The following GRK2 variants were observed in gnomAD, a reference collection of about 807,000 sequenced individuals.
The protein encoded by GRK2 is G protein-coupled receptor kinase 2.
GRK2 carries 23 observed loss-of-function variants against 97.8 expected under a neutral mutation model. That is an observed-to-expected ratio of 0.24 (90% CI 0.17 to 0.33). The LOEUF is 0.33. Ranked by LOEUF, GRK2 falls within the 10% of genes least tolerant of loss-of-function variation. The pLI is 1.00. For missense variants in GRK2, 633 were observed against 956.9 expected (o/e 0.66, Z 4.47); for synonymous variants, 425 against 381.7 (o/e 1.11, Z -1.32).
rs556065320 is a variant in GRK2, at chr11:67,269,186, C to G, written c.113+2374C>G. On this transcript the variant is annotated intron_variant, in intron 1 of 20. Coordinates refer to ENST00000308595, the MANE Select transcript of GRK2 (RefSeq NM_001619.5). The surrounding 1 kb of genome is among the most constrained non-coding windows in gnomAD (Gnocchi z 4.1). ...CAGTGGGGCAGAGCACGCCGCCCCC[C>G]GCCCCCCGCCGCCCCAGTGGTGATC... 5.3e-5 allele frequency among the ~76,000 whole-genome samples: 8 copies of G among 152,176 alleles called. No individual in the cohort carries two copies. Among genetic ancestry groups the G allele is most frequent in the Non-Finnish European group, 1.2e-4 (8 of 68,016 alleles).
In GRK2 at chr11:67,269,256, T is replaced by C. The variant is rs186760821; in HGVS notation, c.113+2444T>C. Among the ~76,000 whole-genome samples, 31 of 149,128 alleles carry C rather than the reference T, an allele frequency of 2.1e-4. No individual in the cohort carries two copies. Among genetic ancestry groups the C allele is most frequent in the African/African-American group, 7.7e-4 (31 of 40,128 alleles). ...GCCTGACACTTTTCCACTTGCAGAG[T>C]GCTTTTTACTCTGTTTTGTCCTTTT... On this transcript the variant is annotated intron_variant, in intron 1 of 20. Coordinates refer to ENST00000308595, the MANE Select transcript of GRK2 (RefSeq NM_001619.5). This position sits in a 1 kb window ranked among gnomAD's most constrained non-coding sequence, Gnocchi z 4.1.
chr11:67,266,943 C>A (rs1565434686), intron 1 of GRK2, 131 bp downstream of exon 1: 3 of 325,860 alleles, frequency 9.2e-6, no homozygotes, highest in Admixed American at 5.2e-5. Flanking sequence ...CCTGTCGGCC[C>A]CCCAGCCCGG....
Position 67,281,388 on chromosome 11 carries a change from A to G in GRK2, c.648-71A>G. 2.1e-6 allele frequency: 3 copies of G among 1,426,986 alleles called. No homozygotes were observed. In the East Asian group the frequency reaches 6.9e-5, roughly 33 times the overall value. The allele number at this position is 1,426,986 out of a possible 1,614,324, so 88.4% of individuals were successfully genotyped here. A position where few individuals can be genotyped will look rare whatever the true frequency, so the allele number is the denominator to read the frequency against. On this transcript the variant is annotated intron_variant, in intron 8 of 20. Transcript: ENST00000308595. This position sits in a 1 kb window ranked among gnomAD's most constrained non-coding sequence, Gnocchi z 5.7. ...TGGTCCTGGGTCTAGTCTTTCCCTC[A>G]AGCGCCCCCTGAGGCAGCCCTGGGC...
chr11:67,282,026 G>A lies in GRK2; in HGVS notation c.957+74G>A. The A allele has an allele frequency of 6.3e-7, 1 of 1,591,084 alleles. No homozygotes were observed. The highest frequency in any genetic ancestry group is 8.6e-7 in the Non-Finnish European group (1 of 1,164,900). ...CTTCCTCTCGACATCCCGGCCACCAGGCCCAGAGGAGTGGGGCTCCTGGGA... is the reference window on the plus strand; with the variant it reads ...CTTCCTCTCGACATCCCGGCCACCAAGCCCAGAGGAGTGGGGCTCCTGGGA... On this transcript the variant is annotated intron_variant, in intron 11 of 20. Transcript: ENST00000308595. This position sits in a 1 kb window ranked among gnomAD's most constrained non-coding sequence, Gnocchi z 6.9.
intron 1 of GRK2, among the ~76,000 whole-genome samples, chr11:67,274,495 C>CTTTTTTTATTTTTTTTTTTTTTTTTTTT (rs1859982228): frequency 4.4e-5 from 1 of 22,472 alleles, no homozygotes; most frequent in Non-Finnish European, 9.4e-5. Flanking sequence ...TGACCAGCAC[C>CTTTTTTTATTTTTTTTTTTTTTTTTTTT]TTTTTTTTTT....
At chr11:67,284,139 G>T in intron 17 of GRK2, 72 bp from the exon 18 acceptor site, 1 of 1,590,660 alleles carries the variant, frequency 6.3e-7, no homozygotes, top group Non-Finnish European at 8.6e-7. Flanking sequence ...CCTGGGTCTG[G>T]GCAGCCTGTG....
rs1381865613 is a variant in GRK2, at chr11:67,281,890, G to A, written c.895G>A (p.Ala299Thr). The A allele has an allele frequency of 1.2e-6, 2 of 1,613,638 alleles. No homozygotes were observed. Among genetic ancestry groups the A allele is most frequent in the South Asian group, 2.2e-5 (2 of 91,078 alleles). Residue 299 changes from alanine (A) to threonine (T), a missense_variant, in exon 11 of 21, where the codon GCC (alanine) becomes ACC (threonine). By Grantham distance (58) the Ala-to-Thr change is moderately conservative. Around this residue, in one of 4 missense-constraint regions of GRK2, gnomAD observed 192 missense variants for 362.3 expected, o/e 0.53. Transcript: ENST00000308595. This position sits in a 1 kb window ranked among gnomAD's most constrained non-coding sequence, Gnocchi z 5.7. Reference protein sequence around the residue: ...FSEADMRFYAAEIILGLEHMH... With the variant: ...FSEADMRFYATEIILGLEHMH... The stretch of plus-strand genomic sequence containing the variant: ...AGAGGCTGACATGCGCTTCTATGCG[G>A]CCGAGATCATCCTGGGCCTGGAGCA...
Position 67,266,763 on chromosome 11 carries a change from G to T in GRK2, c.64G>T (p.Ala22Ser). 2 of 1,376,244 alleles carry T rather than the reference G, an allele frequency of 1.5e-6. No individual in the cohort carries two copies. Among genetic ancestry groups the T allele is most frequent in the Non-Finnish European group, 1.9e-6 (2 of 1,052,932 alleles). The allele number at this position is 1,376,244 out of a possible 1,614,324, so 85.3% of individuals were successfully genotyped here. ...SYLMAMEKSK[A>S]TPAARASKKI... ...CCTGATGGCCATGGAGAAGAGCAAG[G>T]CCACGCCGGCCGCGCGCGCCAGCAA... Residue 22 changes from alanine (A) to serine (S), a missense_variant, in exon 1 of 21, where the codon GCC (alanine) becomes TCC (serine). By Grantham distance (99) the Ala-to-Ser change is moderately conservative. This residue lies in a region of GRK2 where 193 missense variants were observed against 212.2 expected (regional missense o/e 0.91). Transcript: ENST00000308595.
intron 1 of GRK2, among the ~76,000 whole-genome samples, chr11:67,267,260 C>T (rs368968311): frequency 4.6e-5 from 7 of 152,232 alleles, no homozygotes; most frequent in African/African-American, 1.7e-4. Flanking sequence ...GACGATGTCA[C>T]CCACCCTTTT....
At chr11:67,275,617 C>T (rs1860013353) in intron 1 of GRK2, among the ~76,000 whole-genome samples, 1 of 152,236 alleles carries the variant, frequency 6.6e-6, no homozygotes, top group Admixed American at 6.5e-5. Context: ...CTGTGAAGCC[C>T]CCTGGTTTGC....
Position 67,283,202 on chromosome 11 carries a change from C to G in GRK2, c.1302C>G (p.Asn434Lys). 4 of 1,613,950 alleles carry G rather than the reference C, an allele frequency of 2.5e-6. No homozygotes were observed. Among genetic ancestry groups the G allele is most frequent in the Non-Finnish European group, 3.4e-6 (4 of 1,179,970 alleles). Residue 434 changes from asparagine (N) to lysine (K), a missense_variant, in exon 15 of 21, where the codon AAC (asparagine) becomes AAG (lysine). Physicochemically the swap from Asn to Lys is moderately conservative, Grantham distance 94 (BLOSUM62 0). This residue lies in a region of GRK2 where 68 missense variants were observed against 71.0 expected (regional missense o/e 0.96). Coordinates refer to ENST00000308595, the MANE Select transcript of GRK2 (RefSeq NM_001619.5). ...LLEGLLQRDVNRRLGCLGRGA... is the reference protein window; with the variant it reads ...LLEGLLQRDVKRRLGCLGRGA... ...AGGGGTTGCTGCAGAGGGATGTCAA[C>G]CGGAGATTGGGCTGCCTGGGCCGAG...
chr11:67,267,992 C>T (rs924094257), intron 1 of GRK2, among the ~76,000 whole-genome samples: 10 of 152,236 alleles, frequency 6.6e-5, no homozygotes, highest in South Asian at 2.1e-4. Context: ...TTCTTTGTGT[C>T]GTGTGGCAAC....
Position 67,274,495 on chromosome 11 carries a change from C to CTTTTTTTTTTTTTTTTTTT in GRK2, c.114-2768_114-2750dup, listed in dbSNP as rs57767154. ...TCGCTACCTTCCGCTTGACCAGCAC[C>CTTTTTTTTTTTTTTTTTTT]TTTTTTTTTTTTTTTTTTTTTTTTT... On this transcript the variant is annotated intron_variant, in intron 1 of 20. Transcript: ENST00000308595. Among the ~76,000 whole-genome samples, 133 of 22,478 alleles carry CTTTTTTTTTTTTTTTTTTT rather than the reference C, an allele frequency of 5.9e-3. 23 individuals carry two copies. Among genetic ancestry groups the CTTTTTTTTTTTTTTTTTTT allele is most frequent in the Admixed American group, 8.7e-3 (11 of 1,262 alleles). 14.7% of individuals were successfully genotyped at this position (22,478 alleles called of 152,430 possible).
Position 67,266,693 on chromosome 11 carries a change from C to A in GRK2, c.-7C>A. On this transcript the variant is annotated 5_prime_UTR_variant, in exon 1 of 21. Transcript: ENST00000308595. ...CGGCGGCGGGAGGAGGCAGCGCCGC[C>A]GCCAAGATGGCGGACCTGGAGGCGG... is the stretch of plus-strand genomic sequence containing the variant. 8.2e-7 allele frequency: 1 copy of A among 1,215,492 alleles called. No individual in the cohort carries two copies. Among genetic ancestry groups the A allele is most frequent in the Non-Finnish European group, 1.0e-6 (1 of 965,860 alleles). The allele number at this position is 1,215,492 out of a possible 1,614,324, so 75.3% of individuals were successfully genotyped here.
At chr11:67,280,246 A>G (rs2136500671) in intron 6 of GRK2, 1 of 406,750 alleles carries the variant, frequency 2.5e-6, no homozygotes, top group East Asian at 5.2e-5. Flanking sequence ...TGGTAGGGGT[A>G]GGCCCAGTAG....
At chr11:67,280,632 C>T (rs1860127440) in intron 6 of GRK2, 100 bp from the exon 7 acceptor site, 14 of 1,375,074 alleles carry the variant, frequency 1.0e-5, no homozygotes, top group Non-Finnish European at 1.3e-5. Flanking sequence ...CACCTACCCT[C>T]ACGGGACCCC....
intron 3 of GRK2, 44 bp downstream of exon 3, chr11:67,279,317 G>A: frequency 6.2e-7 from 1 of 1,610,966 alleles, no homozygotes; most frequent in Non-Finnish European, 8.5e-7. Context: ...GGAGAAAGGG[G>A]AGGAGGTTGG....
Position 67,274,495 on chromosome 11 carries a change from C to CTTTTT in GRK2, c.114-2754_114-2750dup, listed in dbSNP as rs57767154. ...TCGCTACCTTCCGCTTGACCAGCACCTTTTTTTTTTTTTTTTTTTTTTTTT... is the reference window on the plus strand; with the variant it reads ...TCGCTACCTTCCGCTTGACCAGCACCTTTTTTTTTTTTTTTTTTTTTTTTTTTTTT... On this transcript the variant is annotated intron_variant, in intron 1 of 20. Transcript: ENST00000308595. Among the ~76,000 whole-genome samples, 17 of 22,474 alleles carry CTTTTT rather than the reference C, an allele frequency of 7.6e-4. 2 individuals are homozygous for CTTTTT. Among genetic ancestry groups the CTTTTT allele is most frequent in the Non-Finnish European group, 8.5e-4 (9 of 10,622 alleles). The allele number at this position is 22,474 out of a possible 152,430, so 14.7% of individuals were successfully genotyped here.
chr11:67,278,238 C>T lies in GRK2; in HGVS notation c.190+890C>T, dbSNP rs569598486. Among the ~76,000 whole-genome samples the T allele has an allele frequency of 7.7e-4, 118 of 152,356 alleles. No individual in the cohort carries two copies. In the Middle Eastern group the frequency reaches 0.01, roughly 13 times the overall value. The stretch of plus-strand genomic sequence containing the variant: ...GTGAGGACTGAAATGATGGCCGCAG[C>T]TCTGACCCAGGTGCCCAGGCAGTGC... On this transcript the variant is annotated intron_variant, in intron 2 of 20. Transcript: ENST00000308595.
Sources: allele counts gnomAD v4.1 joint callset (sites outside exome capture counted in the v4.1 genomes callset), GRCh38; gene constraint gnomAD v4.1.1; regional missense constraint gnomAD v4.1.1; non-coding constraint Gnocchi (gnomAD v3.1); transcripts MANE v1.5; gene names NCBI Gene and HGNC (gene_info 2026-07-23, HGNC 2026-07-21).